The following CELF2 variants were observed in gnomAD, a reference collection of about 807,000 sequenced individuals.
The protein encoded by CELF2 is CUG triplet repeat RNA-binding protein 2.
A neutral mutation model predicts 62.6 loss-of-function variants in CELF2; 8 were observed. The ratio of observed to expected loss-of-function variants is 0.13; its 90% CI spans 0.07 to 0.23. The LOEUF is 0.23. Ranked by LOEUF, CELF2 falls within the 10% of genes least tolerant of loss-of-function variation. The probability of loss-of-function intolerance (pLI) is 1.00; values close to 1 mark genes in which losing one functional copy is unlikely to be tolerated. For synonymous variants in CELF2, 258 were observed against 250.0 expected, an observed-to-expected ratio of 1.03 and a Z score of -0.30; for missense variants, 333 against 671.0, an observed-to-expected ratio of 0.50 and a Z score of 5.56.
rs1042916683 is a variant in CELF2 at position 11,145,501 on chromosome 10, G to C, written c.75-19985G>C. Among the ~76,000 whole-genome samples, 1 of 152,228 alleles carries C rather than the reference G, an allele frequency of 6.6e-6. No individual in the cohort carries two copies. The highest frequency in any genetic ancestry group is 1.5e-5 in the Non-Finnish European group (1 of 68,050). ...AGGTAAAATTGTCCGCACAGAACCA[G>C]TTGGTGGGGTGGAGATATTAAAGGA... On this transcript the variant is annotated intron_variant, in intron 1 of 12. Transcript: ENST00000633077. The surrounding 1 kb of genome is among the most constrained non-coding windows in gnomAD (Gnocchi z 4.3).
intron 1 of CELF2, among the ~76,000 whole-genome samples, chr10:10,819,657 A>C (rs1013209740): frequency 6.6e-6 from 1 of 152,150 alleles, no homozygotes; most frequent in Admixed American, 6.5e-5. Context: ...CCCCCTCTGC[A>C]TACCTAGGCC....
At chr10:10,584,645 A>G in the CELF2 span, among the ~76,000 whole-genome samples, 1 of 152,184 alleles carries the variant, frequency 6.6e-6, no homozygotes, top group South Asian at 2.1e-4. Flanking sequence ...ACTGTATCTG[A>G]ATCACTTGTG....
At chr10:11,241,954 C>T (rs536641707) in intron 3 of CELF2, among the ~76,000 whole-genome samples, 1 of 152,156 alleles carries the variant, frequency 6.6e-6, no homozygotes, top group Non-Finnish European at 1.5e-5. Flanking sequence ...AGTCAATATA[C>T]AAGCGAGACA....
the CELF2 span, among the ~76,000 whole-genome samples, chr10:10,741,400 A>G: frequency 3.4e-5 from 5 of 148,986 alleles, no homozygotes; most frequent in Non-Finnish European, 7.4e-5. Flanking sequence ...AGTCCCAGCT[A>G]CTCAGGAGGC....
chr10:10,850,489 C>T (rs1198185825), intron 1 of CELF2, among the ~76,000 whole-genome samples: 1 of 152,232 alleles, frequency 6.6e-6, no homozygotes, highest in Non-Finnish European at 1.5e-5. Flanking sequence ...CTAGGTCACA[C>T]ATGCCTCTAC....
rs1170999195 is a variant in CELF2 at position 11,165,186 on chromosome 10, C to G, written c.75-300C>G. On this transcript the variant is annotated intron_variant, in intron 1 of 12. Transcript: ENST00000633077. The surrounding 1 kb of genome is among the most constrained non-coding windows in gnomAD (Gnocchi z 7.4). ...CAGAGCTAGACCTGCACTTAACTTG[C>G]AGCTGCCTCCCGAGCCTCCAAGATG... 6.5e-6 allele frequency: 8 copies of G among 1,226,750 alleles called. No homozygotes were observed. The highest frequency in any genetic ancestry group is 2.0e-6 in the Non-Finnish European group (2 of 977,040). The allele number at this position is 1,226,750 out of a possible 1,614,324, so 76.0% of individuals were successfully genotyped here.
chr10:11,123,791 A>C (rs549556331), intron 1 of CELF2, among the ~76,000 whole-genome samples: 1 of 152,308 alleles, frequency 6.6e-6, no homozygotes, highest in Non-Finnish European at 1.5e-5. Context: ...CAAGGAAAAA[A>C]ATATTAAGCT....
chr10:10,774,251 C>T, the CELF2 span, among the ~76,000 whole-genome samples: 25 of 152,132 alleles, frequency 1.6e-4, no homozygotes, highest in African/African-American at 5.3e-4. Context: ...TGTGGATAGA[C>T]GGAAGCACAC....
chr10:10,983,776 C>A lies in CELF2; in HGVS notation c.89+63777C>A, dbSNP rs570404436. ...AAAAACAGGATTTCACCATGTTGGC[C>A]AGGCTGGTCTTGAACTCCTCACAGG... is the stretch of plus-strand genomic sequence containing the variant. On this transcript the variant is annotated intron_variant, in intron 2 of 13. Coordinates refer to the CELF2 transcript ENST00000636488. This position sits in a 1 kb window ranked among gnomAD's most constrained non-coding sequence, Gnocchi z 5.2. 3.3e-5 allele frequency among the ~76,000 whole-genome samples: 5 copies of A among 152,212 alleles called. No individual in the cohort carries two copies. Among genetic ancestry groups the A allele is most frequent in the Non-Finnish European group, 7.4e-5 (5 of 68,012 alleles).
chr10:10,556,039 T>G, the CELF2 span, among the ~76,000 whole-genome samples: 14 of 152,200 alleles, frequency 9.2e-5, no homozygotes, highest in Non-Finnish European at 1.9e-4. Context: ...TTTAAAATTT[T>G]TTTTTATTAT....
chr10:10,565,697 G>A, the CELF2 span, among the ~76,000 whole-genome samples: 2 of 152,150 alleles, frequency 1.3e-5, no homozygotes, highest in African/African-American at 4.8e-5. Flanking sequence ...GAAGAATTTT[G>A]GACTTACAGA....
rs143388474 is a variant in CELF2 at position 11,292,135 on chromosome 10, A to G, written c.976+3583A>G. The stretch of plus-strand genomic sequence containing the variant: ...CATTCCCACCATTGACCCTTCAAAG[A>G]GTTATCACTTTGAATTCTGGGTGGT... On this transcript the variant is annotated intron_variant, in intron 9 of 12. Coordinates refer to ENST00000633077, the MANE Select transcript of CELF2 (RefSeq NM_001326342.2). Among the ~76,000 whole-genome samples, 6 of 152,272 alleles carry G rather than the reference A, an allele frequency of 3.9e-5. No homozygotes were observed. The East Asian group carries it at 1.2e-3, about 29-fold the overall frequency.
chr10:11,220,589 C>T lies in CELF2; in HGVS notation c.354+3082C>T, dbSNP rs2064568313. 6.6e-6 allele frequency among the ~76,000 whole-genome samples: 1 copy of T among 152,230 alleles called. No individual in the cohort carries two copies. Among genetic ancestry groups the T allele is most frequent in the African/African-American group, 2.4e-5 (1 of 41,458 alleles). On this transcript the variant is annotated intron_variant, in intron 3 of 12. Transcript: ENST00000633077. This position sits in a 1 kb window ranked among gnomAD's most constrained non-coding sequence, Gnocchi z 4.4. ...GCAAAATCATTGAAGACACGTTTCTCAAACTTGCCTCTTACTGGGTAACCA... is the reference window on the plus strand; with the variant it reads ...GCAAAATCATTGAAGACACGTTTCTTAAACTTGCCTCTTACTGGGTAACCA...
intron 1 of CELF2, among the ~76,000 whole-genome samples, chr10:11,155,967 A>C (rs2064292233): frequency 6.6e-6 from 1 of 152,232 alleles, no homozygotes; most frequent in Non-Finnish European, 1.5e-5. Context: ...TAGATGATAA[A>C]ATGAATAATG....
At chr10:10,630,896 C>A in the CELF2 span, among the ~76,000 whole-genome samples, 3 of 152,150 alleles carry the variant, frequency 2.0e-5, no homozygotes, top group African/African-American at 7.2e-5. Flanking sequence ...ACTCTCATTC[C>A]CCATGCACAT....
chr10:10,511,757 A>G, the CELF2 span, among the ~76,000 whole-genome samples: 1 of 152,130 alleles, frequency 6.6e-6, no homozygotes, highest in Non-Finnish European at 1.5e-5. Context: ...TACCTACTTC[A>G]AGGGTTGTTG....
rs111963292 is a variant in CELF2, at chr10:11,309,171, G to A, written c.977-4968G>A. Among the ~76,000 whole-genome samples the A allele has an allele frequency of 2.6e-5, 4 of 152,162 alleles. No homozygotes were observed. Among genetic ancestry groups the A allele is most frequent in the East Asian group, 3.9e-4 (2 of 5,188 alleles). On this transcript the variant is annotated intron_variant, in intron 9 of 12. Coordinates refer to ENST00000633077, the MANE Select transcript of CELF2 (RefSeq NM_001326342.2). The surrounding 1 kb of genome is among the most constrained non-coding windows in gnomAD (Gnocchi z 5.6). ...CTGCTGTCTGCTTTTTCCTGTGTACGGATTGCATGTTCTTGTTCCCTTGCA... is the reference window on the plus strand; with the variant it reads ...CTGCTGTCTGCTTTTTCCTGTGTACAGATTGCATGTTCTTGTTCCCTTGCA...
intron 9 of CELF2, 39 bp downstream of exon 9, chr10:11,288,591 G>A (rs777024164): frequency 6.2e-7 from 1 of 1,606,358 alleles, no homozygotes; most frequent in Non-Finnish European, 8.5e-7. Flanking sequence ...AGGTGATGCA[G>A]CAGGAGTGGC....
At chr10:10,970,273 G>C (rs1293265256) in intron 2 of CELF2, among the ~76,000 whole-genome samples, 1 of 151,994 alleles carries the variant, frequency 6.6e-6, no homozygotes, top group South Asian at 2.1e-4. Context: ...CACCATGTTG[G>C]CCAGGCTGGT....
Sources: allele counts gnomAD v4.1 joint callset (sites outside exome capture counted in the v4.1 genomes callset), GRCh38; gene constraint gnomAD v4.1.1; non-coding constraint Gnocchi (gnomAD v3.1); transcripts MANE v1.5; gene names NCBI Gene and HGNC (gene_info 2026-07-23, HGNC 2026-07-21).